Variants in TEF observed in about 807,000 individuals in gnomAD.
TEF encodes the protein TEF transcription factor, PAR bZIP family member, also known as thyrotroph embryonic factor.
A neutral mutation model predicts 20.8 loss-of-function variants in TEF; 3 were observed. That is an observed-to-expected ratio of 0.14 (90% CI 0.07 to 0.37). The LOEUF (loss-of-function observed/expected upper bound fraction) is 0.37. TEF is among the 10% of genes least tolerant of loss of function. The probability of loss-of-function intolerance (pLI) is 1.00; values close to 1 mark genes in which losing one functional copy is unlikely to be tolerated. For missense variants in TEF, 296 were observed against 397.9 expected (o/e 0.74, Z 2.18); for synonymous variants, 180 against 171.1 (o/e 1.05, Z -0.41).
At chr22:41,379,325 T>C (rs1234358637), upstream of TEF, among the ~76,000 whole-genome samples, 2 of 145,068 alleles carry the variant, frequency 1.4e-5, no homozygotes, top group African/African-American at 5.2e-5. Flanking sequence ...GGCTACAGAG[T>C]GAGACTCTGT....
chr22:41,373,142 A>G (rs1293151325), intron 1 of TEF, among the ~76,000 whole-genome samples: 1 of 152,198 alleles, frequency 6.6e-6, no homozygotes, highest in East Asian at 1.9e-4. Flanking sequence ...AGAACAACCC[A>G]AGCAGGAATT....
intron 1 of TEF, chr22:41,382,979 C>T (rs1288041625): frequency 4.2e-6 from 2 of 471,080 alleles, no homozygotes; most frequent in Non-Finnish European, 8.8e-6. Flanking sequence ...GGGGCGTATA[C>T]GGAAAGCAGG....
chr22:41,390,593 G>A (rs547904652), intron 2 of TEF, among the ~76,000 whole-genome samples: 223 of 137,056 alleles, frequency 1.6e-3, no homozygotes, highest in Non-Finnish European at 2.8e-3. Flanking sequence ...CCTCCGCCTC[G>A]CAGGTTCAAG....
intron 2 of TEF, among the ~76,000 whole-genome samples, chr22:41,391,625 CTT>C (rs74679714): frequency 1.5e-4 from 19 of 129,322 alleles, no homozygotes; most frequent in Admixed American, 1.6e-4. Flanking sequence ...CGGCATCTGA[CTT>C]TTTTTTTTTT....
chr22:41,394,659 G>C (rs755464422), intron 3 of TEF, among the ~76,000 whole-genome samples: 1 of 152,226 alleles, frequency 6.6e-6, no homozygotes, highest in Non-Finnish European at 1.5e-5. Flanking sequence ...AAGGACAAAG[G>C]GTTTCTTGTA....
Position 41,381,986 on chromosome 22 carries a change from C to G in TEF, c.-59C>G. ...GCAGCTGCAGCGGGTCGCACGGCTC[C>G]GGCCCATCTCGGGGGGCGGGCGGGG... On this transcript the variant is annotated 5_prime_UTR_variant, in exon 1 of 4. Coordinates refer to ENST00000266304, the MANE Select transcript of TEF (RefSeq NM_003216.4). 1 of 1,227,458 alleles carries G rather than the reference C, an allele frequency of 8.1e-7. No individual in the cohort carries two copies. The highest frequency in any genetic ancestry group is 1.0e-6 in the Non-Finnish European group (1 of 985,734). 76.0% of individuals were successfully genotyped at this position (1,227,458 alleles called of 1,614,324 possible). A position where few individuals can be genotyped will look rare whatever the true frequency, so the allele number is the denominator to read the frequency against.
chr22:41,382,903 C>G (rs530912626), intron 1 of TEF: 1 of 471,008 alleles, frequency 2.1e-6, no homozygotes, highest in Non-Finnish European at 4.4e-6. Context: ...GGGGCTGACC[C>G]TTAGATTCTG....
intron 3 of TEF, among the ~76,000 whole-genome samples, chr22:41,394,637 G>A (rs1374195147): frequency 6.6e-6 from 1 of 152,218 alleles, no homozygotes; most frequent in Non-Finnish European, 1.5e-5. Flanking sequence ...GGTTGAAAAA[G>A]TCCTTGCTTT....
chr22:41,379,379 C>T (rs1052560901), upstream of TEF, among the ~76,000 whole-genome samples: 6 of 152,062 alleles, frequency 3.9e-5, no homozygotes, highest in Admixed American at 1.3e-4. Flanking sequence ...TGGTGGTGCA[C>T]GCCTGCAATC....
chr22:41,367,513 G>A, exon 1 of TEF: 1 of 1,550,466 alleles, frequency 6.4e-7, no homozygotes. Context: ...AGCTGCGACT[G>A]GTTCTCAGTG....
rs532595733 is a variant in TEF at position 41,396,059 on chromosome 22, G to A, written c.*99G>A. The stretch of plus-strand genomic sequence containing the variant: ...CACGCGTGGAGACTTATGACTCGTC[G>A]TGGGCGCATGGCGGCGCACCTGCTG... On this transcript the variant is annotated 3_prime_UTR_variant, in exon 4 of 4. Transcript: ENST00000266304. 2.4e-5 allele frequency: 32 copies of A among 1,329,636 alleles called. No homozygotes were observed. The highest frequency in any genetic ancestry group is 2.5e-4 in the Middle Eastern group (1 of 3,972). The allele number at this position is 1,329,636 out of a possible 1,614,324, so 82.4% of individuals were successfully genotyped here.
chr22:41,392,694 A>AAAAAAAAT (rs1394197723), intron 2 of TEF, among the ~76,000 whole-genome samples: 1 of 144,674 alleles, frequency 6.9e-6, no homozygotes, highest in Non-Finnish European at 1.5e-5. Context: ...AAAAAAAAAA[A>AAAAAAAAT]GACTAAGTGA....
rs375708497 is a variant in TEF, at chr22:41,374,144, G to A, written c.67+6545G>A. ...ATCATGGCCGGGCGCAGTGGCTCAC[G>A]TCTGTAATCCCAGCACTTCGGGAGG... On this transcript the variant is annotated intron_variant, in intron 1 of 3. Transcript: ENST00000406644. 1.2e-4 allele frequency among the ~76,000 whole-genome samples: 18 copies of A among 152,152 alleles called. No homozygotes were observed. In the South Asian group the frequency reaches 1.5e-3, roughly 12 times the overall value.
chr22:41,374,422 G>A (rs2036915997), intron 1 of TEF, among the ~76,000 whole-genome samples: 1 of 151,938 alleles, frequency 6.6e-6, no homozygotes, highest in South Asian at 2.1e-4. Flanking sequence ...CGTGGTGGCG[G>A]GCACCTGTAG....
At chr22:41,394,417 T>C in intron 3 of TEF, 101 bp downstream of exon 3, 1 of 1,134,620 alleles carries the variant, frequency 8.8e-7, no homozygotes, top group Non-Finnish European at 1.2e-6. Context: ...CTTCCCTCCT[T>C]GTGACACCAT....
At chr22:41,387,159 G>A (rs560267753) in intron 1 of TEF, among the ~76,000 whole-genome samples, 192 bp from the exon 2 acceptor site, 4 of 152,188 alleles carry the variant, frequency 2.6e-5, no homozygotes, top group Non-Finnish European at 5.9e-5. Context: ...ATGGGATGCC[G>A]TGTCTAAAGG....
upstream of TEF, among the ~76,000 whole-genome samples, chr22:41,379,091 A>AGCACTTTGG (rs1166805237): frequency 1.3e-5 from 2 of 152,190 alleles, no homozygotes; most frequent in African/African-American, 4.8e-5. Context: ...CTGTAATCCC[A>AGCACTTTGG]GCACTTTGGG....
intron 1 of TEF, among the ~76,000 whole-genome samples, chr22:41,367,986 C>T (rs920964765): frequency 1.3e-5 from 2 of 152,164 alleles, no homozygotes; most frequent in African/African-American, 4.8e-5. Context: ...ATTTGGGCAG[C>T]AGGAGCCTGG....
chr22:41,380,811 G>A (rs73885790), upstream of TEF, among the ~76,000 whole-genome samples: 2,157 of 152,288 alleles, frequency 0.014, 53 homozygotes, highest in African/African-American at 0.05. Context: ...TTTAAGAGAG[G>A]AGGTGGTTCT....
Sources: allele counts gnomAD v4.1 joint callset (sites outside exome capture counted in the v4.1 genomes callset), GRCh38; gene constraint gnomAD v4.1.1; transcripts MANE v1.5; gene names NCBI Gene and HGNC (gene_info 2026-07-23, HGNC 2026-07-21).